The following FRZB variants were observed in gnomAD, a reference collection of about 807,000 sequenced individuals.
FRZB encodes secreted frizzled-related protein 3.
FRZB carries 34 observed loss-of-function variants against 32.5 expected under a neutral mutation model. The observed-to-expected ratio is 1.05, with a 90% CI of 0.80 to 1.39. The LOEUF (loss-of-function observed/expected upper bound fraction) is 1.39. FRZB is among the 40% of genes most tolerant of loss of function. The probability of loss-of-function intolerance (pLI) is 0.00; values close to 1 mark genes in which losing one functional copy is unlikely to be tolerated. For missense variants in FRZB, 423 were observed against 424.8 expected, an observed-to-expected ratio of 1.00 and a Z score of 0.04; for synonymous variants, 170 against 159.2, an observed-to-expected ratio of 1.07 and a Z score of -0.51.
In FRZB at chr2:182,838,006, A is replaced by G; in HGVS notation, c.803T>C (p.Leu268Pro). The change falls in exon 5 of 6, where the codon CTC (leucine) becomes CCC (proline). Residue 268 changes from leucine (L) to proline (P), a missense_variant. Physicochemically the swap from Leu to Pro is moderately conservative, Grantham distance 98. Coordinates refer to ENST00000295113, the MANE Select transcript of FRZB (RefSeq NM_001463.4). The stretch of plus-strand genomic sequence containing the variant: ...CTCAGCTATAGAGCCTTCCACCAAG[A>G]GTAATCTGTATTTTTGAAAGAAGCA... ...GYEDEERSRL[L>P]LVEGSIAEKW... is the part of the protein sequence containing the mutation. 1 of 1,610,542 alleles carries G rather than the reference A, an allele frequency of 6.2e-7. No individual in the cohort carries two copies. Among genetic ancestry groups the G allele is most frequent in the Non-Finnish European group, 8.5e-7 (1 of 1,178,106 alleles).
intron 1 of FRZB, among the ~76,000 whole-genome samples, chr2:182,859,894 A>G (rs7566497): frequency 0.031 from 4,717 of 152,306 alleles, 88 homozygotes; most frequent in Non-Finnish European, 0.041. Flanking sequence ...ACTATTAATT[A>G]CTAATACTTT....
At chr2:182,859,655 T>C (rs1188136707) in intron 1 of FRZB, among the ~76,000 whole-genome samples, 1 of 152,192 alleles carries the variant, frequency 6.6e-6, no homozygotes, top group East Asian at 1.9e-4. Context: ...GTATTCTTCC[T>C]TTGTCCTTTT....
Position 182,833,941 on chromosome 2 carries a change from C to T in FRZB, c.*908G>A, listed in dbSNP as rs935981129. 2.0e-5 allele frequency: 3 copies of T among 151,916 alleles called. No individual in the cohort carries two copies. Among genetic ancestry groups the T allele is most frequent in the African/African-American group, 4.8e-5 (2 of 41,350 alleles). 9.4% of individuals were successfully genotyped at this position (151,916 alleles called of 1,614,324 possible). On this transcript the variant is annotated 3_prime_UTR_variant, in exon 6 of 6. Transcript: ENST00000295113. ...ACTTTTAAAAACTAACCCTGGTGCACGTGCATACATAATCTTTTCCTGGTC... is the reference window on the plus strand; with the variant it reads ...ACTTTTAAAAACTAACCCTGGTGCATGTGCATACATAATCTTTTCCTGGTC...
intron 2 of FRZB, among the ~76,000 whole-genome samples, chr2:182,846,019 T>C (rs1211634795): frequency 6.6e-6 from 1 of 152,244 alleles, no homozygotes; most frequent in East Asian, 1.9e-4. Flanking sequence ...TGAACAGCCT[T>C]GCTGCCTCAG....
At position 182,866,093 on chromosome 2, in the gene FRZB, C is replaced by G. The variant is rs754853712; in HGVS notation, c.460G>C (p.Val154Leu). ...AACTCACCAGCTCCGTCCGCAGTAACGATGGCCTCGGGAGAGATGCACACG... is the reference window on the plus strand; with the variant it reads ...AACTCACCAGCTCCGTCCGCAGTAAGGATGGCCTCGGGAGAGATGCACACG... ...RGVCISPEAIVTADGADFPMD... is the reference protein window; with the variant it reads ...RGVCISPEAILTADGADFPMD... The change falls in exon 1 of 6, where the codon GTT becomes CTT. Residue 154 changes from valine (V) to leucine (L), a missense_variant. By Grantham distance (32) the Val-to-Leu change is conservative. Transcript: ENST00000295113. This position sits in a 1 kb window ranked among gnomAD's most constrained non-coding sequence, Gnocchi z 4.5. 1 of 1,610,696 alleles carries G rather than the reference C, an allele frequency of 6.2e-7. No homozygotes were observed. The highest frequency in any genetic ancestry group is 1.1e-5 in the South Asian group (1 of 90,860).
chr2:182,839,410 T>C (rs1161321457), intron 3 of FRZB, among the ~76,000 whole-genome samples: 1 of 152,030 alleles, frequency 6.6e-6, no homozygotes, highest in African/African-American at 2.4e-5. Context: ...TCCATCTGCT[T>C]TGAAGTCAGA....
chr2:182,839,411 T>C (rs190525871), intron 3 of FRZB, among the ~76,000 whole-genome samples: 2 of 152,144 alleles, frequency 1.3e-5, no homozygotes, highest in Admixed American at 1.3e-4. Context: ...CCATCTGCTT[T>C]GAAGTCAGAC....
Position 182,866,126 on chromosome 2 carries a change from C to G in FRZB, c.427G>C (p.Asp143His), listed in dbSNP as rs1396038688. The G allele has an allele frequency of 2.5e-6, 4 of 1,614,092 alleles. No individual in the cohort carries two copies. The South Asian group carries it at 4.4e-5, about 18-fold the overall frequency. ...NLACEELPVY[D>H]RGVCISPEAI... ...TCGGGAGAGATGCACACGCCCCTGT[C>G]GTACACTGGCAGCTCCTCGCAGGCC... The change falls in exon 1 of 6, where the codon GAC becomes CAC. Residue 143 changes from aspartate to histidine, a missense_variant. Transcript: ENST00000295113. This position sits in a 1 kb window ranked among gnomAD's most constrained non-coding sequence, Gnocchi z 4.5.
chr2:182,858,576 T>A (rs1327155034), intron 2 of FRZB, among the ~76,000 whole-genome samples: 1 of 152,150 alleles, frequency 6.6e-6, no homozygotes, highest in African/African-American at 2.4e-5. Flanking sequence ...AATATTAAAA[T>A]TCATCTGTAC....
chr2:182,857,137 C>G (rs1441715017), intron 2 of FRZB, among the ~76,000 whole-genome samples: 1 of 151,622 alleles, frequency 6.6e-6, no homozygotes, highest in African/African-American at 2.4e-5. Flanking sequence ...TGAAAAATAG[C>G]AAAGATAATA....
At chr2:182,854,005 C>T (rs1695738854) in intron 2 of FRZB, among the ~76,000 whole-genome samples, 1 of 152,138 alleles carries the variant, frequency 6.6e-6, no homozygotes, top group East Asian at 1.9e-4. Context: ...CTGCTATACA[C>T]AGCCTAATGA....
At chr2:182,849,174 C>G (rs914481062) in intron 2 of FRZB, among the ~76,000 whole-genome samples, 2 of 151,940 alleles carry the variant, frequency 1.3e-5, no homozygotes, top group Non-Finnish European at 2.9e-5. Flanking sequence ...TTGCAGTGAG[C>G]TGAGATCGCG....
chr2:182,840,251 G>C, intron 3 of FRZB, among the ~76,000 whole-genome samples: 1 of 152,080 alleles, frequency 6.6e-6, no homozygotes, highest in South Asian at 2.1e-4. Flanking sequence ...AGAATCAGAT[G>C]AGAAATTCAC....
intron 2 of FRZB, among the ~76,000 whole-genome samples, chr2:182,849,784 T>C (rs547390751): frequency 9.8e-5 from 15 of 152,362 alleles, no homozygotes; most frequent in African/African-American, 3.6e-4. Context: ...CTTTTTGTCT[T>C]TGGAAAATTT....
chr2:182,852,657 A>C (rs1285399290), intron 2 of FRZB, among the ~76,000 whole-genome samples: 2 of 152,152 alleles, frequency 1.3e-5, no homozygotes, highest in Non-Finnish European at 2.9e-5. Context: ...ATTAAAAAAA[A>C]CCCTTTGCAT....
intron 2 of FRZB, among the ~76,000 whole-genome samples, chr2:182,848,936 T>C (rs904224600): frequency 6.6e-6 from 1 of 152,100 alleles, no homozygotes; most frequent in Non-Finnish European, 1.5e-5. Context: ...TTTAAAGAAA[T>C]GTTCTTTAGG....
At chr2:182,855,029 G>T (rs1695753108) in intron 2 of FRZB, among the ~76,000 whole-genome samples, 1 of 152,154 alleles carries the variant, frequency 6.6e-6, no homozygotes, top group Non-Finnish European at 1.5e-5. Context: ...GTATTGCTCT[G>T]ACCTCATACT....
At chr2:182,839,951 A>T (rs531146077) in intron 3 of FRZB, among the ~76,000 whole-genome samples, 3 of 152,180 alleles carry the variant, frequency 2.0e-5, no homozygotes, top group African/African-American at 4.8e-5. Flanking sequence ...AAAATATAAA[A>T]CCAGCTAATC....
At chr2:182,856,366 G>A (rs546939571) in intron 2 of FRZB, among the ~76,000 whole-genome samples, 23 of 152,068 alleles carry the variant, frequency 1.5e-4, no homozygotes, top group African/African-American at 5.5e-4. Context: ...ATACGTGTGT[G>A]TGTGTGAGAG....
Sources: gnomAD v4.1 joint callset for allele counts (sites outside exome capture counted in the v4.1 genomes callset) on GRCh38, gnomAD v4.1.1 for gene constraint, Gnocchi (gnomAD v3.1) non-coding constraint, MANE v1.5 for transcripts, NCBI Gene and HGNC (gene_info 2026-07-23, HGNC 2026-07-21) for gene names.